The following TBCD variants were observed in gnomAD, a reference collection of about 807,000 sequenced individuals.
TBCD encodes the protein tubulin folding cofactor D, also known as tubulin-specific chaperone D.
In TBCD, 105 loss-of-function variants were observed where a neutral mutation model predicts 169.3. The observed-to-expected ratio is 0.62, with a 90% CI of 0.53 to 0.73. The LOEUF (loss-of-function observed/expected upper bound fraction) is 0.73, where lower values mean the gene tolerates loss of function less well. Among genes scored for constraint, TBCD ranks in the 30% least tolerant of loss-of-function variants. TBCD has a pLI of 0.00. For missense variants in TBCD, 1,444 were observed against 1,600.1 expected (o/e 0.90, Z 1.66); for synonymous variants, 700 against 643.9 (o/e 1.09, Z -1.32).
intron 13 of TBCD, among the ~76,000 whole-genome samples, chr17:82,855,522 C>T (rs1028642156): frequency 1.3e-5 from 2 of 152,022 alleles, no homozygotes; most frequent in Non-Finnish European, 2.9e-5. Flanking sequence ...CTCACCTCGG[C>T]CTCCTGAAGG....
At chr17:82,766,492 C>A in intron 4 of TBCD, 124 bp downstream of exon 4, 1 of 584,980 alleles carries the variant, frequency 1.7e-6, no homozygotes, top group South Asian at 2.6e-5. Flanking sequence ...TGTTTTGTGT[C>A]ACTCCTCTTT....
intron 6 of TBCD, among the ~76,000 whole-genome samples, chr17:82,778,100 G>A (rs1568118303): frequency 6.6e-6 from 1 of 152,202 alleles, no homozygotes; most frequent in Non-Finnish European, 1.5e-5. Context: ...TATGATTATA[G>A]AGCGAGGATT....
intron 24 of TBCD, chr17:82,921,260 T>G (rs541463201): frequency 1.8e-5 from 10 of 556,744 alleles, no homozygotes; most frequent in Non-Finnish European, 3.2e-5. Flanking sequence ...ATGTGATGTA[T>G]AAAAATTTAC....
At chr17:82,825,450 A>G (rs1023014281) in intron 13 of TBCD, among the ~76,000 whole-genome samples, 2 of 152,168 alleles carry the variant, frequency 1.3e-5, no homozygotes, top group Non-Finnish European at 1.5e-5. Flanking sequence ...ATACTGGTGT[A>G]TATAAACAGA....
chr17:82,845,026 A>G (rs1356535248), intron 13 of TBCD, among the ~76,000 whole-genome samples: 2 of 151,350 alleles, frequency 1.3e-5, no homozygotes, highest in African/African-American at 2.4e-5. Flanking sequence ...AAGGAGGGGT[A>G]CCTGGGGTGG....
In TBCD at chr17:82,814,852, T is replaced by A. The variant is rs770210051; in HGVS notation, c.1236T>A (p.Thr412=). Residue 412 remains threonine, a synonymous_variant, in exon 13 of 39, where the codon ACT becomes ACA. Coordinates refer to ENST00000355528, the MANE Select transcript of TBCD (RefSeq NM_005993.5). ...TTGTTGCTCTCAGTTTCCAGGAGAC[T>A]GACAAGGCGTGGCATGGGGGATGTC... is the stretch of plus-strand genomic sequence containing the variant. The part of the protein sequence containing the change: ...SVLDCFSFQE[T]DKAWHGGCLA... The A allele has an allele frequency of 3.1e-6, 5 of 1,613,706 alleles. No individual in the cohort carries two copies. The highest frequency in any genetic ancestry group is 4.2e-6 in the Non-Finnish European group (5 of 1,179,868).
chr17:82,920,553 C>T lies in TBCD; in HGVS notation c.2039-3C>T, dbSNP rs74001732. On this transcript the variant is annotated splice_polypyrimidine_tract_variant and splice_region_variant and intron_variant, in intron 23 of 38. Coordinates refer to ENST00000355528, the MANE Select transcript of TBCD (RefSeq NM_005993.5). This position sits in a 1 kb window ranked among gnomAD's most constrained non-coding sequence, Gnocchi z 4.1. ...CGTCTATCCTTTTTTTTTTTTTTTC[C>T]AGTGTGTGTTTTAATAGAAAAGTTG... The T allele has an allele frequency of 1.4e-3, 2,152 of 1,501,592 alleles. 20 individuals carry two copies. In the African/African-American group the frequency reaches 0.027, roughly 19 times the overall value. The allele number at this position is 1,501,592 out of a possible 1,614,324, so 93.0% of individuals were successfully genotyped here.
chr17:82,939,792 C>T (rs1236774055), intron 37 of TBCD, among the ~76,000 whole-genome samples: 1 of 152,308 alleles, frequency 6.6e-6, no homozygotes, highest in Non-Finnish European at 1.5e-5. Flanking sequence ...GAAGGCCTGG[C>T]AGGTGCTGCT....
At chr17:82,931,293 AC>A (rs1212032607) in intron 33 of TBCD, among the ~76,000 whole-genome samples, 21 of 152,288 alleles carry the variant, frequency 1.4e-4, no homozygotes, top group Admixed American at 1.2e-3. Context: ...TTTTCTCGTT[AC>A]GACTATAATC....
intron 7 of TBCD, among the ~76,000 whole-genome samples, 194 bp downstream of exon 7, chr17:82,781,915 C>T (rs1328945755): frequency 2.6e-5 from 4 of 152,220 alleles, no homozygotes; most frequent in African/African-American, 9.6e-5. Context: ...CTGGTTTCTG[C>T]GCTGGTGCTG....
intron 13 of TBCD, among the ~76,000 whole-genome samples, chr17:82,859,237 G>A (rs543223823): frequency 6.8e-6 from 1 of 146,812 alleles, no homozygotes; most frequent in South Asian, 2.2e-4. Context: ...AGAGAGTCTC[G>A]TGGGTCGTCT....
intron 13 of TBCD, chr17:82,859,714 G>A (rs1646310780): frequency 1.0e-6 from 1 of 985,352 alleles, no homozygotes; most frequent in Non-Finnish European, 1.2e-6. Context: ...CGGGAGTGTG[G>A]CTGTGGAAAG....
intron 7 of TBCD, among the ~76,000 whole-genome samples, chr17:82,792,324 AT>A (rs1423023526): frequency 2.0e-5 from 3 of 149,496 alleles, no homozygotes; most frequent in Non-Finnish European, 3.0e-5. Context: ...AAAAAAAAAA[AT>A]TATATGTATA....
chr17:82,851,877 T>C (rs566825315), intron 13 of TBCD, among the ~76,000 whole-genome samples: 96 of 152,232 alleles, frequency 6.3e-4, no homozygotes, highest in African/African-American at 2.2e-3. Flanking sequence ...CCGAGAGAAA[T>C]GTAATTTATC....
chr17:82,841,068 G>A (rs143482355), intron 13 of TBCD, among the ~76,000 whole-genome samples: 1,494 of 139,280 alleles, frequency 0.011, 21 homozygotes, highest in African/African-American at 0.037. Flanking sequence ...TCAGCCTCCC[G>A]AGTAGCTGGG....
At chr17:82,914,337 A>G (rs1263740556) in intron 23 of TBCD, among the ~76,000 whole-genome samples, 1 of 151,414 alleles carries the variant, frequency 6.6e-6, no homozygotes, top group East Asian at 1.9e-4. Flanking sequence ...CAGCTTTCCC[A>G]CCCTGCCCTC....
chr17:82,938,686 C>T (rs1047203871), intron 36 of TBCD, among the ~76,000 whole-genome samples: 3 of 152,182 alleles, frequency 2.0e-5, no homozygotes, highest in Non-Finnish European at 4.4e-5. Flanking sequence ...AGGGTGGGCC[C>T]GGGGCTCAGA....
chr17:82,939,373 A>G lies in TBCD; in HGVS notation c.3376A>G (p.Lys1126Glu). 6.2e-7 allele frequency: 1 copy of G among 1,611,644 alleles called. No individual in the cohort carries two copies. The highest frequency in any genetic ancestry group is 8.5e-7 in the Non-Finnish European group (1 of 1,179,462). ...LLCHRFPLIRKTTASQVYETL... is the reference protein window; with the variant it reads ...LLCHRFPLIRETTASQVYETL... ...CACTGCATCCCTGTCCCAGATCCGG[A>G]AGACCACGGCCAGCCAGGTGTACGA... Residue 1126 changes from lysine to glutamate, a missense_variant, in exon 37 of 39, where the codon AAG becomes GAG. Transcript: ENST00000355528.
chr17:82,910,633 G>C (rs1271398729), intron 22 of TBCD, among the ~76,000 whole-genome samples: 1 of 151,750 alleles, frequency 6.6e-6, no homozygotes, highest in African/African-American at 2.4e-5. Context: ...GTGGCAGCAT[G>C]TCGGCTCACT....
Sources: allele counts gnomAD v4.1 joint callset (sites outside exome capture counted in the v4.1 genomes callset), GRCh38; gene constraint gnomAD v4.1.1; non-coding constraint Gnocchi (gnomAD v3.1); transcripts MANE v1.5; gene names NCBI Gene and HGNC (gene_info 2026-07-23, HGNC 2026-07-21).